Variants in DCC observed in about 807,000 individuals in gnomAD.
DCC encodes the protein DCC netrin 1 receptor, also known as netrin receptor DCC.
Under a neutral mutation model 172.5 loss-of-function variants are expected in DCC, and 58 were observed. The ratio of observed to expected loss-of-function variants is 0.34; its 90% CI spans 0.27 to 0.42. The LOEUF (loss-of-function observed/expected upper bound fraction) is 0.42, where lower values mean the gene tolerates loss of function less well. Ranked by LOEUF, DCC falls within the 10% of genes least tolerant of loss-of-function variation. The probability of loss-of-function intolerance (pLI) is 1.00; values close to 1 mark genes in which losing one functional copy is unlikely to be tolerated. For synonymous variants in DCC, 709 were observed against 644.5 expected, an observed-to-expected ratio of 1.10 and a Z score of -1.52; for missense variants, 1,740 against 1,791.0, an observed-to-expected ratio of 0.97 and a Z score of 0.51.
At chr18:52,576,554 G>A (rs1226296385) in intron 1 of DCC, among the ~76,000 whole-genome samples, 1 of 152,142 alleles carries the variant, frequency 6.6e-6, no homozygotes, top group Non-Finnish European at 1.5e-5. Flanking sequence ...TTTCCGCCGG[G>A]CACAGTGGCT....
rs374608944 is a variant in DCC at position 52,849,852 on chromosome 18, G to A, written c.413-56192G>A. On this transcript the variant is annotated intron_variant, in intron 2 of 28. Coordinates refer to ENST00000442544, the MANE Select transcript of DCC (RefSeq NM_005215.4). ...ACATTTAGGAGGCTTAGCAGAGAGAGTACATGGGCTTTTCCACTTTACTGG... is the reference window on the plus strand; with the variant it reads ...ACATTTAGGAGGCTTAGCAGAGAGAATACATGGGCTTTTCCACTTTACTGG... Among the ~76,000 whole-genome samples the A allele has an allele frequency of 2.4e-3, 358 of 152,230 alleles. 3 individuals carry two copies. In the Middle Eastern group the frequency reaches 0.037, roughly 16 times the overall value.
chr18:52,444,589 A>G (rs1356407001), intron 1 of DCC, among the ~76,000 whole-genome samples: 1 of 152,222 alleles, frequency 6.6e-6, no homozygotes, highest in Admixed American at 6.5e-5. Context: ...TTTGCATTTG[A>G]ATATGGAATA....
intron 1 of DCC, among the ~76,000 whole-genome samples, chr18:52,688,497 G>A (rs1471102185): frequency 4.6e-5 from 7 of 152,044 alleles, no homozygotes; most frequent in Non-Finnish European, 8.8e-5. Flanking sequence ...AGAAGGAAAT[G>A]GGGAGATGTA....
At chr18:53,175,189 A>G in intron 8 of DCC, among the ~76,000 whole-genome samples, 1 of 152,150 alleles carries the variant, frequency 6.6e-6, no homozygotes, top group Admixed American at 6.5e-5. Flanking sequence ...AAATAATAAG[A>G]GCTATCTATG....
At chr18:53,239,084 A>T (rs962688977) in intron 12 of DCC, among the ~76,000 whole-genome samples, 2 of 151,408 alleles carry the variant, frequency 1.3e-5, no homozygotes, top group Non-Finnish European at 2.9e-5. Context: ...TAGGAGATAT[A>T]CCTAATGTAA....
intron 2 of DCC, chr18:52,818,152 A>G (rs1371174005): frequency 6.6e-6 from 1 of 152,216 alleles, no homozygotes; most frequent in East Asian, 1.9e-4. Context: ...CCAAGGCAGG[A>G]GGATTACTTG....
Position 52,407,243 on chromosome 18 carries a change from T to C in DCC, c.91+66365T>C, listed in dbSNP as rs16954880. On this transcript the variant is annotated intron_variant, in intron 1 of 28. Coordinates refer to ENST00000442544, the MANE Select transcript of DCC (RefSeq NM_005215.4). ...ACAGTCAGTGATGCTTATGGGCAAA[T>C]GTCAAGAGAAACTTTGTACCTTAGC... is the stretch of plus-strand genomic sequence containing the variant. Among the ~76,000 whole-genome samples, 530 of 152,148 alleles carry C rather than the reference T, an allele frequency of 3.5e-3. 6 individuals are homozygous for C. The highest frequency in any genetic ancestry group is 0.012 in the African/African-American group (499 of 41,496).
At chr18:53,379,172 A>G (rs1907537380) in intron 15 of DCC, among the ~76,000 whole-genome samples, 1 of 152,222 alleles carries the variant, frequency 6.6e-6, no homozygotes, top group Admixed American at 6.5e-5. Flanking sequence ...GCCCTGGTTC[A>G]TTGCAATGAG....
intron 12 of DCC, among the ~76,000 whole-genome samples, chr18:53,270,423 A>G (rs2056735843): frequency 6.6e-6 from 1 of 152,146 alleles, no homozygotes; most frequent in African/African-American, 2.4e-5. Flanking sequence ...AGAGTATTCA[A>G]AATCTTTCTA....
intron 20 of DCC, among the ~76,000 whole-genome samples, chr18:53,412,414 A>G (rs957114131): frequency 2.6e-5 from 4 of 152,162 alleles, no homozygotes; most frequent in East Asian, 3.8e-4. Flanking sequence ...TACAATGGCA[A>G]ATGTTCTAAG....
intron 27 of DCC, among the ~76,000 whole-genome samples, chr18:53,508,519 A>G (rs2144516843): frequency 1.3e-5 from 2 of 152,302 alleles, no homozygotes; most frequent in Middle Eastern, 3.4e-3. Flanking sequence ...AAACCACGAT[A>G]ACCTAGTATG....
chr18:52,448,083 GC>G (rs1288341366), intron 1 of DCC, among the ~76,000 whole-genome samples: 9 of 152,114 alleles, frequency 5.9e-5, no homozygotes, highest in Non-Finnish European at 1.3e-4. Flanking sequence ...TAGGAACCGG[GC>G]CGCACAGCAG....
chr18:53,105,213 A>T (rs1415677182), intron 7 of DCC, among the ~76,000 whole-genome samples: 1 of 152,086 alleles, frequency 6.6e-6, no homozygotes, highest in Non-Finnish European at 1.5e-5. Context: ...TTCTTGACAC[A>T]GAATTTCCTT....
intron 22 of DCC, among the ~76,000 whole-genome samples, chr18:53,440,773 C>T (rs1306919548): frequency 6.6e-6 from 1 of 151,604 alleles, no homozygotes; most frequent in Non-Finnish European, 1.5e-5. Context: ...CTATCATCCA[C>T]CCATTATCTT....
intron 2 of DCC, among the ~76,000 whole-genome samples, chr18:52,875,427 A>G (rs2039389150): frequency 6.6e-6 from 1 of 152,166 alleles, no homozygotes; most frequent in Non-Finnish European, 1.5e-5. Flanking sequence ...TCTTCCTTCG[A>G]GAGATAGAGA....
intron 13 of DCC, among the ~76,000 whole-genome samples, chr18:53,311,911 T>A (rs1241170000): frequency 3.9e-5 from 6 of 152,176 alleles, no homozygotes; most frequent in Non-Finnish European, 7.4e-5. Context: ...AATAATGTGT[T>A]TCTCACCGTA....
chr18:52,802,646 T>A (rs75160236), intron 2 of DCC, among the ~76,000 whole-genome samples: 1 of 29,224 alleles, frequency 3.4e-5, no homozygotes, highest in African/African-American at 2.1e-4. Context: ...GCCAAGCCTT[T>A]TTTTTTTTTT....
chr18:52,813,578 T>C (rs2038238257), intron 2 of DCC, among the ~76,000 whole-genome samples: 1 of 152,048 alleles, frequency 6.6e-6, no homozygotes, highest in Non-Finnish European at 1.5e-5. Flanking sequence ...CAATGTGTGA[T>C]GGTTAATTGT....
At chr18:53,387,169 G>T (rs147594074) in intron 16 of DCC, among the ~76,000 whole-genome samples, 1 of 152,188 alleles carries the variant, frequency 6.6e-6, no homozygotes, top group Non-Finnish European at 1.5e-5. Flanking sequence ...GTGGAATCCC[G>T]TGGCTTCTAC....
Sources: gnomAD v4.1 joint callset for allele counts (sites outside exome capture counted in the v4.1 genomes callset) on GRCh38, gnomAD v4.1.1 for gene constraint, MANE v1.5 for transcripts, NCBI Gene and HGNC (gene_info 2026-07-23, HGNC 2026-07-21) for gene names.